EPSTI1: variants seen among roughly 807,000 people sequenced by gnomAD.
The protein encoded by EPSTI1 is epithelial stromal interaction 1, also known as epithelial-stromal interaction protein 1.
A neutral mutation model predicts 49.9 loss-of-function variants in EPSTI1; 66 were observed. The ratio of observed to expected loss-of-function variants is 1.32; its 90% CI spans 1.08 to 1.62. The LOEUF is 1.62. Among genes scored for constraint, EPSTI1 ranks in the 40% most tolerant of loss-of-function variants. EPSTI1 has a pLI of 0.00. For missense variants in EPSTI1, 394 were observed against 365.5 expected (o/e 1.08, Z -0.64); for synonymous variants, 137 against 130.7 (o/e 1.05, Z -0.33).
chr13:42,961,235 T>C (rs1252728621), intron 5 of EPSTI1, among the ~76,000 whole-genome samples: 1 of 152,174 alleles, frequency 6.6e-6, no homozygotes, highest in Non-Finnish European at 1.5e-5. Flanking sequence ...TTTAATCAGG[T>C]CTAGCAGGTA....
At chr13:42,967,541 T>A (rs2153432505) in intron 3 of EPSTI1, among the ~76,000 whole-genome samples, 1 of 152,320 alleles carries the variant, frequency 6.6e-6, no homozygotes, top group South Asian at 2.1e-4. Flanking sequence ...TGAAAGAGAA[T>A]GCCAACCTAA....
At chr13:42,975,016 C>CATA (rs1386716454) in intron 1 of EPSTI1, among the ~76,000 whole-genome samples, 1 of 151,734 alleles carries the variant, frequency 6.6e-6, no homozygotes, top group Non-Finnish European at 1.5e-5. Context: ...TTGAAGTTTT[C>CATA]ATAGTTCAAG....
intron 1 of EPSTI1, among the ~76,000 whole-genome samples, chr13:42,983,670 T>C (rs1379615087): frequency 6.6e-6 from 1 of 151,922 alleles, no homozygotes; most frequent in Non-Finnish European, 1.5e-5. Flanking sequence ...GATCCAAAAT[T>C]TGGTAGATAG....
intron 6 of EPSTI1, 24 bp downstream of exon 6, chr13:42,953,924 G>T: frequency 1.3e-6 from 2 of 1,597,944 alleles, no homozygotes; most frequent in South Asian, 2.2e-5. Context: ...ATAAAGGCAC[G>T]AAGTTCTGAA....
chr13:42,948,707 C>T (rs116400230), intron 6 of EPSTI1, among the ~76,000 whole-genome samples: 2 of 152,046 alleles, frequency 1.3e-5, no homozygotes, highest in African/African-American at 2.4e-5. Flanking sequence ...GAACTGCTGA[C>T]CTCAGGTAAT....
At chr13:42,982,414 C>T (rs565382884) in intron 1 of EPSTI1, among the ~76,000 whole-genome samples, 141 of 152,354 alleles carry the variant, frequency 9.3e-4, no homozygotes, top group Non-Finnish European at 7.3e-4. Context: ...CTTGGGGCTG[C>T]TCTGCCTATG....
At position 42,888,263 on chromosome 13, in the gene EPSTI1, G is replaced by A. The variant is rs562878088; in HGVS notation, c.*231C>T. On this transcript the variant is annotated 3_prime_UTR_variant, in exon 11 of 11. Transcript: ENST00000313624. Reference sequence around the variant, plus strand: ...TTATACTTCCAATTAGAAAAATAATGTAGCATTTCCCTGGCAGTAGAGATT... The same window carrying A: ...TTATACTTCCAATTAGAAAAATAATATAGCATTTCCCTGGCAGTAGAGATT... The A allele has an allele frequency of 2.5e-6, 4 of 1,613,546 alleles. No homozygotes were observed. Among genetic ancestry groups the A allele is most frequent in the Non-Finnish European group, 3.4e-6 (4 of 1,179,884 alleles).
Position 42,964,073 on chromosome 13 carries a change from T to G in EPSTI1, c.398A>C (p.Lys133Thr), listed in dbSNP as rs765412556. Residue 133 changes from lysine to threonine, a missense_variant, in exon 4 of 11, where the codon AAG becomes ACG. Coordinates refer to ENST00000313624, the MANE Select transcript of EPSTI1 (RefSeq NM_033255.5). ...AAAGAGATGAATTCTGACCTTTTGC[T>G]TGTATTTAGATTGCATCAGCTGGAG... ...QQLQLMQSKYKQKLKREESVR... is the reference protein window; with the variant it reads ...QQLQLMQSKYTQKLKREESVR... The G allele has an allele frequency of 2.5e-6, 4 of 1,613,182 alleles. No individual in the cohort carries two copies.
chr13:42,945,301 A>G (rs1594700407), intron 6 of EPSTI1, among the ~76,000 whole-genome samples: 1 of 152,134 alleles, frequency 6.6e-6, no homozygotes, highest in Admixed American at 6.5e-5. Flanking sequence ...GTATCACAAG[A>G]ACAGCAATGG....
At chr13:42,916,332 A>C (rs2037830715) in intron 8 of EPSTI1, among the ~76,000 whole-genome samples, 1 of 151,772 alleles carries the variant, frequency 6.6e-6, no homozygotes, top group Non-Finnish European at 1.5e-5. Flanking sequence ...CTTACACAGG[A>C]GCTAAATAAG....
chr13:42,916,159 CTA>C (rs2037823866), intron 8 of EPSTI1, among the ~76,000 whole-genome samples: 2 of 151,868 alleles, frequency 1.3e-5, no homozygotes, highest in South Asian at 4.1e-4. Context: ...TACAACATGA[CTA>C]TGTACCAGAT....
intron 1 of EPSTI1, among the ~76,000 whole-genome samples, chr13:42,981,419 C>T (rs963820950): frequency 1.3e-5 from 2 of 152,196 alleles, no homozygotes; most frequent in Admixed American, 1.3e-4. Flanking sequence ...TTCAAGCTTT[C>T]ATCATCCTGT....
rs535387642 is a variant in EPSTI1, at chr13:42,985,589, A to C, written c.188+6389T>G. Among the ~76,000 whole-genome samples the C allele has an allele frequency of 3.3e-5, 5 of 152,350 alleles. No individual in the cohort carries two copies. The South Asian group carries it at 1.0e-3, about 32-fold the overall frequency. ...AAGAGGATTGAGTAGCAAGATCCTC[A>C]GTGTTATACAGTTCTGAGAAAATCT... On this transcript the variant is annotated intron_variant, in intron 1 of 10. Coordinates refer to ENST00000313624, the MANE Select transcript of EPSTI1 (RefSeq NM_033255.5).
At chr13:42,916,312 AT>A (rs2037829837) in intron 8 of EPSTI1, among the ~76,000 whole-genome samples, 1 of 151,470 alleles carries the variant, frequency 6.6e-6, no homozygotes, top group Non-Finnish European at 1.5e-5. Context: ...ATGTTTCATG[AT>A]TCGTCTTTCT....
intron 10 of EPSTI1, among the ~76,000 whole-genome samples, chr13:42,888,875 A>G (rs566516913): frequency 1.2e-3 from 179 of 152,328 alleles, no homozygotes; most frequent in Non-Finnish European, 2.1e-3. Context: ...TGTCTCAAGT[A>G]GGGTTACGCT....
chr13:42,967,244 C>T, intron 3 of EPSTI1, among the ~76,000 whole-genome samples: 1 of 20,124 alleles, frequency 5.0e-5, no homozygotes, highest in African/African-American at 1.2e-4. Context: ...CTGCCAAATC[C>T]CCCTCTGTGA....
At chr13:42,968,635 C>T (rs899942812) in intron 3 of EPSTI1, among the ~76,000 whole-genome samples, 1 of 152,004 alleles carries the variant, frequency 6.6e-6, no homozygotes, top group Non-Finnish European at 1.5e-5. Context: ...TTCTCTTATA[C>T]CCACCACCGG....
intron 5 of EPSTI1, among the ~76,000 whole-genome samples, chr13:42,962,933 C>A (rs1042756174): frequency 1.3e-5 from 2 of 152,160 alleles, no homozygotes; most frequent in African/African-American, 4.8e-5. Context: ...CAAGAGGTTG[C>A]AATACAATAA....
intron 8 of EPSTI1, among the ~76,000 whole-genome samples, chr13:42,911,828 T>C (rs1566110410): frequency 6.6e-6 from 1 of 152,216 alleles, no homozygotes; most frequent in East Asian, 1.9e-4. Flanking sequence ...TTAATTACTT[T>C]CTTCAGGATC....
Sources: allele counts gnomAD v4.1 joint callset (sites outside exome capture counted in the v4.1 genomes callset), GRCh38; gene constraint gnomAD v4.1.1; transcripts MANE v1.5; gene names NCBI Gene and HGNC (gene_info 2026-07-23, HGNC 2026-07-21).